TSHZ2: variants seen among roughly 807,000 people sequenced by gnomAD.
TSHZ2 encodes teashirt homolog 2.
A neutral mutation model predicts 74.4 loss-of-function variants in TSHZ2; 21 were observed. The ratio of observed to expected loss-of-function variants is 0.28; its 90% CI spans 0.20 to 0.41. The LOEUF (loss-of-function observed/expected upper bound fraction) is 0.41. TSHZ2 is among the 10% of genes least tolerant of loss of function. TSHZ2 has a pLI of 1.00. For missense variants in TSHZ2, 1,244 were observed against 1,293.5 expected, an observed-to-expected ratio of 0.96 and a Z score of 0.59; for synonymous variants, 540 against 515.3, an observed-to-expected ratio of 1.05 and a Z score of -0.65.
intron 1 of TSHZ2, among the ~76,000 whole-genome samples, chr20:53,055,266 T>A (rs1466063186): frequency 6.6e-6 from 1 of 152,204 alleles, no homozygotes; most frequent in Non-Finnish European, 1.5e-5. Flanking sequence ...TAAGTGTGCA[T>A]TTTAAGTACA....
At chr20:53,353,531 A>G (rs1384638190) in intron 2 of TSHZ2, among the ~76,000 whole-genome samples, 1 of 152,230 alleles carries the variant, frequency 6.6e-6, no homozygotes, top group African/African-American at 2.4e-5. Flanking sequence ...TTTAAAGGCC[A>G]TACAAGAATA....
intron 1 of TSHZ2, among the ~76,000 whole-genome samples, chr20:53,207,653 G>A (rs1989201245): frequency 6.6e-6 from 1 of 151,906 alleles, no homozygotes; most frequent in Non-Finnish European, 1.5e-5. Context: ...CAGATTTGGG[G>A]CTGCAGCTCT....
chr20:53,266,523 A>C (rs1447055033), intron 2 of TSHZ2, among the ~76,000 whole-genome samples: 1 of 152,180 alleles, frequency 6.6e-6, no homozygotes, highest in Non-Finnish European at 1.5e-5. Context: ...TCTCACCTCA[A>C]ATAAGAAACC....
intron 1 of TSHZ2, among the ~76,000 whole-genome samples, chr20:53,016,031 C>A (rs371003686): frequency 6.6e-6 from 1 of 152,028 alleles, no homozygotes; most frequent in South Asian, 2.1e-4. Flanking sequence ...CTCGGCTCAG[C>A]GATGTAAATC....
At chr20:53,311,307 A>C (rs1002795822) in intron 2 of TSHZ2, among the ~76,000 whole-genome samples, 1 of 152,268 alleles carries the variant, frequency 6.6e-6, no homozygotes, top group African/African-American at 2.4e-5. Context: ...AAAATTATTC[A>C]GCCAGACTGA....
chr20:53,290,100 A>G (rs897340504), intron 2 of TSHZ2, among the ~76,000 whole-genome samples: 3 of 152,206 alleles, frequency 2.0e-5, no homozygotes, highest in Non-Finnish European at 2.9e-5. Flanking sequence ...GAAAAACTAG[A>G]AAAATTGTCA....
chr20:53,054,390 C>A (rs1322914722), intron 1 of TSHZ2, among the ~76,000 whole-genome samples: 5 of 152,200 alleles, frequency 3.3e-5, no homozygotes, highest in Non-Finnish European at 1.5e-5. Flanking sequence ...CACATCCTAT[C>A]CATTGTCAAG....
intron 1 of TSHZ2, among the ~76,000 whole-genome samples, chr20:53,019,627 G>A (rs971277665): frequency 6.6e-6 from 1 of 152,236 alleles, no homozygotes; most frequent in African/African-American, 2.4e-5. Flanking sequence ...GTGAATCTAC[G>A]TGAATTCCAA....
At chr20:53,130,008 C>T (rs2123379772) in intron 1 of TSHZ2, among the ~76,000 whole-genome samples, 1 of 151,520 alleles carries the variant, frequency 6.6e-6, no homozygotes, top group South Asian at 2.1e-4. Flanking sequence ...GATGGGGGGT[C>T]CTGTGTCTTA....
intron 2 of TSHZ2, among the ~76,000 whole-genome samples, chr20:53,451,635 ACT>A (rs1457052858): frequency 6.6e-6 from 1 of 152,212 alleles, no homozygotes; most frequent in Non-Finnish European, 1.5e-5. Flanking sequence ...CTGTCATGAC[ACT>A]GTCTCTCTTC....
intron 1 of TSHZ2, among the ~76,000 whole-genome samples, chr20:53,067,705 G>A (rs188678724): frequency 6.6e-6 from 1 of 152,298 alleles, no homozygotes; most frequent in East Asian, 1.9e-4. Context: ...AAATGTAAAC[G>A]TGATAGATAC....
chr20:53,324,269 G>A (rs1345242025), intron 2 of TSHZ2, among the ~76,000 whole-genome samples: 2 of 152,146 alleles, frequency 1.3e-5, no homozygotes, highest in Non-Finnish European at 2.9e-5. Flanking sequence ...ATCTCCACTG[G>A]GCACAGCACT....
intron 1 of TSHZ2, among the ~76,000 whole-genome samples, chr20:53,026,793 A>T (rs79708353): frequency 0.013 from 1,928 of 152,240 alleles, 43 homozygotes; most frequent in African/African-American, 0.044. Context: ...TATATCTTCA[A>T]CATCTTTTCA....
rs556758489 is a variant in TSHZ2, at chr20:53,327,357, C to T, written c.*8+70786C>T. 7.9e-5 allele frequency among the ~76,000 whole-genome samples: 12 copies of T among 152,196 alleles called. No homozygotes were observed. In the East Asian group the frequency reaches 1.5e-3, roughly 20 times the overall value. On this transcript the variant is annotated intron_variant, in intron 2 of 2. Transcript: ENST00000371497. ...ACTAGAAATGACAGATGCGTGGTGG[C>T]GGGTGCCTGTAGTCCCAGCTACTCG...
chr20:53,395,706 C>T (rs1001018389), intron 2 of TSHZ2, among the ~76,000 whole-genome samples: 10 of 152,194 alleles, frequency 6.6e-5, no homozygotes, highest in Non-Finnish European at 1.3e-4. Context: ...TTCAAACCAT[C>T]TTAACATCTT....
At chr20:53,127,226 T>C (rs758831351) in intron 1 of TSHZ2, among the ~76,000 whole-genome samples, 124 of 152,236 alleles carry the variant, frequency 8.1e-4, no homozygotes, top group Non-Finnish European at 1.6e-3. Context: ...TGTTGGGCAC[T>C]GTGCCAGAAA....
chr20:53,205,622 A>G (rs1348685870), intron 1 of TSHZ2, among the ~76,000 whole-genome samples: 2 of 152,172 alleles, frequency 1.3e-5, no homozygotes, highest in Admixed American at 6.5e-5. Context: ...GGTTTTTCCT[A>G]GACATGAGAT....
At chr20:52,986,328 G>A (rs1981755336) in intron 1 of TSHZ2, among the ~76,000 whole-genome samples, 2 of 151,768 alleles carry the variant, frequency 1.3e-5, no homozygotes, top group South Asian at 2.1e-4. Flanking sequence ...CTTGAACCCG[G>A]GAGGCGGAGG....
At chr20:53,126,637 AG>A (rs1231963569) in intron 1 of TSHZ2, among the ~76,000 whole-genome samples, 1 of 152,212 alleles carries the variant, frequency 6.6e-6, no homozygotes, top group Non-Finnish European at 1.5e-5. Flanking sequence ...GTGTCCACAA[AG>A]GTATCATTCA....
Sources: gnomAD v4.1 joint callset for allele counts (sites outside exome capture counted in the v4.1 genomes callset) on GRCh38, gnomAD v4.1.1 for gene constraint, MANE v1.5 for transcripts, NCBI Gene and HGNC (gene_info 2026-07-23, HGNC 2026-07-21) for gene names.